Variants in GPC6 observed in about 807,000 individuals in gnomAD.
GPC6 encodes the protein glypican-6.
A neutral mutation model predicts 55.2 loss-of-function variants in GPC6; 14 were observed. The observed-to-expected ratio is 0.25, with a 90% CI of 0.17 to 0.40. The LOEUF (loss-of-function observed/expected upper bound fraction) is 0.40, where lower values mean the gene tolerates loss of function less well. Among genes scored for constraint, GPC6 ranks in the 10% least tolerant of loss-of-function variants. GPC6 has a pLI of 1.00. For missense variants in GPC6, 641 were observed against 708.5 expected, an observed-to-expected ratio of 0.90 and a Z score of 1.08; for synonymous variants, 278 against 259.6, an observed-to-expected ratio of 1.07 and a Z score of -0.68.
intron 1 of GPC6, among the ~76,000 whole-genome samples, chr13:93,417,724 T>A (rs1876755129): frequency 6.6e-6 from 1 of 152,080 alleles, no homozygotes; most frequent in African/African-American, 2.4e-5. Context: ...CACATGTTTT[T>A]AAATATATAT....
At chr13:94,284,753 A>G (rs892260268) in intron 4 of GPC6, among the ~76,000 whole-genome samples, 28 of 152,142 alleles carry the variant, frequency 1.8e-4, no homozygotes, top group African/African-American at 6.0e-4. Context: ...CAGCGTTTCA[A>G]TGTATTTGCA....
At chr13:94,065,331 G>A (rs1405144144) in intron 4 of GPC6, among the ~76,000 whole-genome samples, 2 of 152,292 alleles carry the variant, frequency 1.3e-5, no homozygotes, top group South Asian at 4.1e-4. Flanking sequence ...TAGGCACTCA[G>A]TGCTCACTCT....
chr13:93,715,018 T>G (rs1883202523), intron 2 of GPC6, among the ~76,000 whole-genome samples: 1 of 151,542 alleles, frequency 6.6e-6, no homozygotes, highest in Admixed American at 6.6e-5. Context: ...GAAGGTCAGT[T>G]TTGCTGCCAT....
At chr13:93,274,724 A>G (rs1296381930) in intron 1 of GPC6, among the ~76,000 whole-genome samples, 3 of 152,316 alleles carry the variant, frequency 2.0e-5, no homozygotes, top group South Asian at 2.1e-4. Context: ...TGCTATCAGA[A>G]TGGTTTAATG....
chr13:94,009,207 A>G (rs1426271539), intron 3 of GPC6, among the ~76,000 whole-genome samples: 2 of 152,180 alleles, frequency 1.3e-5, no homozygotes, highest in African/African-American at 4.8e-5. Flanking sequence ...TTACTTATGG[A>G]CAGAGTTCTA....
intron 6 of GPC6, among the ~76,000 whole-genome samples, chr13:94,340,241 G>A (rs1338158884): frequency 6.6e-6 from 1 of 152,026 alleles, no homozygotes; most frequent in African/African-American, 2.4e-5. Flanking sequence ...CATTTTAATT[G>A]TGGAGTAGTC....
intron 1 of GPC6, among the ~76,000 whole-genome samples, chr13:93,507,128 A>G (rs2590513): frequency 0.99 from 147,448 of 149,406 alleles, 72,786 homozygotes; most frequent in East Asian, 1. Context: ...GGACTGGTCA[A>G]CTTACTTGCT....
At chr13:94,178,987 C>T (rs1275127332) in intron 4 of GPC6, among the ~76,000 whole-genome samples, 1 of 152,154 alleles carries the variant, frequency 6.6e-6, no homozygotes, top group Non-Finnish European at 1.5e-5. Flanking sequence ...CTACTGAGTT[C>T]CCCCTTTCTT....
chr13:93,764,792 A>T (rs772483632), intron 2 of GPC6, among the ~76,000 whole-genome samples: 1 of 151,784 alleles, frequency 6.6e-6, no homozygotes, highest in Non-Finnish European at 1.5e-5. Context: ...AACTAATACA[A>T]TGTTTTTATT....
chr13:93,618,432 T>C (rs1878816696), intron 2 of GPC6, among the ~76,000 whole-genome samples: 2 of 152,094 alleles, frequency 1.3e-5, no homozygotes, highest in African/African-American at 4.8e-5. Context: ...CTCATCTCAA[T>C]CAGAATCACC....
chr13:93,603,769 T>C (rs1205956545), intron 2 of GPC6, among the ~76,000 whole-genome samples: 2 of 152,240 alleles, frequency 1.3e-5, no homozygotes, highest in Non-Finnish European at 2.9e-5. Context: ...ATAGTCATTC[T>C]ACAAGGGGGA....
intron 4 of GPC6, among the ~76,000 whole-genome samples, chr13:94,060,808 T>C (rs1436735756): frequency 6.6e-6 from 1 of 152,176 alleles, no homozygotes; most frequent in Non-Finnish European, 1.5e-5. Context: ...GGGAGTGCAT[T>C]AATACCATAC....
chr13:93,585,814 C>T (rs1212232867), intron 2 of GPC6, among the ~76,000 whole-genome samples: 1 of 152,188 alleles, frequency 6.6e-6, no homozygotes, highest in Non-Finnish European at 1.5e-5. Flanking sequence ...ACTGCATCAA[C>T]AGCTCATTTT....
intron 4 of GPC6, among the ~76,000 whole-genome samples, chr13:94,136,918 A>AT (rs978409691): frequency 2.5e-4 from 38 of 152,178 alleles, no homozygotes; most frequent in Non-Finnish European, 4.9e-4. Context: ...GGTAGTGGCC[A>AT]TAGTGGGCGA....
intron 4 of GPC6, among the ~76,000 whole-genome samples, chr13:94,106,832 C>T (rs1239692922): frequency 6.6e-6 from 1 of 151,980 alleles, no homozygotes; most frequent in Non-Finnish European, 1.5e-5. Context: ...TAGCAGTCTT[C>T]CTGGAAGATG....
At chr13:93,693,439 A>ATG (rs4001851) in intron 2 of GPC6, among the ~76,000 whole-genome samples, 142,342 of 149,310 alleles carry the variant, frequency 0.95, 67,898 homozygotes, top group African/African-American at 0.98. Context: ...ATGGAGATAT[A>ATG]TGTGTGTGTG....
At chr13:93,876,988 G>T (rs1874630757) in intron 3 of GPC6, among the ~76,000 whole-genome samples, 1 of 151,954 alleles carries the variant, frequency 6.6e-6, no homozygotes, top group African/African-American at 2.4e-5. Context: ...TTTGGACATT[G>T]CCAGAAACTC....
At chr13:93,967,499 A>G (rs1042813255) in intron 3 of GPC6, among the ~76,000 whole-genome samples, 2 of 152,146 alleles carry the variant, frequency 1.3e-5, no homozygotes, top group African/African-American at 2.4e-5. Flanking sequence ...AATGCTGTGT[A>G]TCTCTTTTTA....
chr13:93,595,811 A>G (rs1283296744), intron 2 of GPC6, among the ~76,000 whole-genome samples: 1 of 152,220 alleles, frequency 6.6e-6, no homozygotes, highest in African/African-American at 2.4e-5. Context: ...GTGACATCAC[A>G]TATCTATGTT....
Sources: gnomAD v4.1 joint callset for allele counts (sites outside exome capture counted in the v4.1 genomes callset) on GRCh38, gnomAD v4.1.1 for gene constraint, MANE v1.5 for transcripts, NCBI Gene and HGNC (gene_info 2026-07-23, HGNC 2026-07-21) for gene names.